PHKA2: variants seen among roughly 807,000 people sequenced by gnomAD.
The protein encoded by PHKA2 is phosphorylase b kinase regulatory subunit alpha, liver isoform.
A neutral mutation model predicts 102.0 loss-of-function variants in PHKA2; 31 were observed. That is an observed-to-expected ratio of 0.30 (90% CI 0.23 to 0.41). The LOEUF is 0.41. Among genes scored for constraint, PHKA2 ranks in the 10% least tolerant of loss-of-function variants. The probability of loss-of-function intolerance (pLI) is 1.00; values close to 1 mark genes in which losing one functional copy is unlikely to be tolerated. For synonymous variants in PHKA2, 455 were observed against 416.2 expected, an observed-to-expected ratio of 1.09 and a Z score of -1.13; for missense variants, 858 against 1,023.1, an observed-to-expected ratio of 0.84 and a Z score of 2.20.
At chrX:18,903,699 G>A (rs2047744523) in intron 26 of PHKA2, among the ~76,000 whole-genome samples, 1 of 112,195 alleles carries the variant, frequency 8.9e-6, no homozygotes, top group African/African-American at 3.2e-5. Context: ...GGCCACTGAT[G>A]CACTGCACCA....
intron 12 of PHKA2, 55 bp downstream of exon 12, chrX:18,931,586 T>C: frequency 1.2e-6 from 1 of 846,308 alleles, no homozygotes; most frequent in South Asian, 2.0e-5. Flanking sequence ...CCTTCTGGGG[T>C]TCCCTGAACC....
At chrX:18,926,905 G>T (rs1041563359) in intron 13 of PHKA2, among the ~76,000 whole-genome samples, 4 of 111,757 alleles carry the variant, frequency 3.6e-5, no homozygotes, top group African/African-American at 1.3e-4. Context: ...CTCCCTCTGG[G>T]TCTGCATCTA....
chrX:18,933,030 C>T (rs1601750058), intron 11 of PHKA2, among the ~76,000 whole-genome samples: 2 of 109,865 alleles, frequency 1.8e-5, no homozygotes, highest in South Asian at 8.0e-4. Context: ...AGGAGAATCA[C>T]GTGAACCTGA....
intron 4 of PHKA2, among the ~76,000 whole-genome samples, 171 bp from the exon 5 acceptor site, chrX:18,948,997 G>A (rs980446136): frequency 9.0e-6 from 1 of 111,501 alleles, no homozygotes; most frequent in African/African-American, 3.3e-5. Context: ...TCTAATCTCC[G>A]AAAAGAGGGA....
Position 18,908,001 on chromosome X carries a change from G to A in PHKA2, c.2416C>T (p.Leu806Phe). 8.3e-7 allele frequency: 1 copy of A among 1,210,713 alleles called. No homozygotes were observed. The highest frequency in any genetic ancestry group is 1.7e-5 in the African/African-American group (1 of 57,748). ...SGQHGVTVQN[L>F]LGELYGKAGL... ...GCTTTCCCATAGAGCTCACCAAGAA[G>A]GTTTTGAACGGTGACCCCGTGCTGT... is the stretch of plus-strand genomic sequence containing the variant. The change falls in exon 22 of 33, where the codon CTT (leucine) becomes TTT (phenylalanine). Residue 806 changes from leucine (L) to phenylalanine (F), a missense_variant. This residue lies in a region of PHKA2 where 671 missense variants were observed against 745.2 expected (regional missense o/e 0.90). Coordinates refer to ENST00000379942, the MANE Select transcript of PHKA2 (RefSeq NM_000292.3).
intron 2 of PHKA2, among the ~76,000 whole-genome samples, 169 bp downstream of exon 2, chrX:18,954,085 C>A (rs2048739463): frequency 8.9e-6 from 1 of 111,734 alleles, no homozygotes; most frequent in Non-Finnish European, 1.9e-5. Flanking sequence ...ACAGAAAGAC[C>A]AATGTGAGGT....
rs771991394 is a variant in PHKA2 at position 18,983,904 on chromosome X, C to A, written c.29G>T (p.Arg10Leu). 1.7e-6 allele frequency: 2 copies of A among 1,211,414 alleles called. No homozygotes were observed. Among genetic ancestry groups the A allele is most frequent in the South Asian group, 3.5e-5 (2 of 57,023 alleles). ...CACCAGCCGCGCGTACCCGTCCAAGCGGACCCCGGAATTGCTCCTGCTCCG... is the reference window on the plus strand; with the variant it reads ...CACCAGCCGCGCGTACCCGTCCAAGAGGACCCCGGAATTGCTCCTGCTCCG... Reference protein sequence around the residue: MRSRSNSGVRLDGYARLVQQ... With the variant: MRSRSNSGVLLDGYARLVQQ... Residue 10 changes from arginine (R) to leucine (L), a missense_variant, in exon 1 of 33, where the codon CGC (arginine) becomes CTC (leucine). Transcript: ENST00000379942.
chrX:18,953,124 G>A (rs1286623667), intron 2 of PHKA2, among the ~76,000 whole-genome samples: 1 of 112,284 alleles, frequency 8.9e-6, no homozygotes, highest in African/African-American at 3.2e-5. Flanking sequence ...TGAGGCCATC[G>A]AAGAATGTCT....
In PHKA2 at chrX:18,947,155, A is replaced by G. The variant is rs185532753; in HGVS notation, c.537+1589T>C. On this transcript the variant is annotated intron_variant, in intron 5 of 32. Coordinates refer to ENST00000379942, the MANE Select transcript of PHKA2 (RefSeq NM_000292.3). ...ATGCTCATTTATTTACGTGTTGTCT[A>G]TGGCTGCTTTCATGCTACAAAGGCA... is the stretch of plus-strand genomic sequence containing the variant. 5.9e-3 allele frequency among the ~76,000 whole-genome samples: 659 copies of G among 112,067 alleles called. 4 individuals are homozygous for G. The highest frequency in any genetic ancestry group is 0.02 in the African/African-American group (626 of 30,864).
chrX:18,920,553 T>C (rs1244126438), intron 17 of PHKA2, among the ~76,000 whole-genome samples: 1 of 112,218 alleles, frequency 8.9e-6, no homozygotes, highest in East Asian at 2.8e-4. Context: ...TTTTGTTTTT[T>C]CCCCCAAAAC....
chrX:18,907,007 T>C lies in PHKA2; in HGVS notation c.2597+11A>G, dbSNP rs765266185. On this transcript the variant is annotated intron_variant, in intron 23 of 32. Transcript: ENST00000379942. ...CCCGCAAACCTGAGGTCCCCAAGGC[T>C]GAGGACTTACGCAGAGATGATCTTC... is the stretch of plus-strand genomic sequence containing the variant. 4 of 1,186,507 alleles carry C rather than the reference T, an allele frequency of 3.4e-6. No individual in the cohort carries two copies. The East Asian group carries it at 1.2e-4, about 36-fold the overall frequency.
rs763759866 is a variant in PHKA2, at chrX:18,938,579, C to A, written c.1041+48G>T. 328 of 1,125,121 alleles carry A rather than the reference C, an allele frequency of 2.9e-4. 1 individual carries two copies. The South Asian group carries it at 4.9e-3, about 17-fold the overall frequency. The allele number at this position is 1,125,121 out of a possible 1,213,427, so 92.7% of individuals were successfully genotyped here. On this transcript the variant is annotated intron_variant, in intron 10 of 32. Coordinates refer to ENST00000379942, the MANE Select transcript of PHKA2 (RefSeq NM_000292.3). ...CTATGTTCTAATAATAATCAGTATACCAGTGGAATGAAAATAATTATCAAC... is the reference window on the plus strand; with the variant it reads ...CTATGTTCTAATAATAATCAGTATAACAGTGGAATGAAAATAATTATCAAC...
intron 4 of PHKA2, among the ~76,000 whole-genome samples, chrX:18,950,822 C>A (rs746861778): frequency 8.9e-6 from 1 of 112,070 alleles, no homozygotes; most frequent in Non-Finnish European, 1.9e-5. Flanking sequence ...GGCTCTCTTG[C>A]CCTTCTGGTC....
intron 22 of PHKA2, among the ~76,000 whole-genome samples, chrX:18,907,321 C>T (rs1186887237): frequency 8.9e-6 from 1 of 112,476 alleles, no homozygotes; most frequent in African/African-American, 3.2e-5. Context: ...ATGTGTGGCC[C>T]CAAGCCTGGC....
intron 19 of PHKA2, among the ~76,000 whole-genome samples, chrX:18,913,437 G>T (rs374864071): frequency 9.3e-6 from 1 of 107,715 alleles, no homozygotes; most frequent in Non-Finnish European, 1.9e-5. Flanking sequence ...ATGGAGTCTC[G>T]CCTTGTTGCC....
rs2048301011 is a variant in PHKA2, at chrX:18,930,786, G to A, written c.1245+855C>T. On this transcript the variant is annotated intron_variant, in intron 12 of 32. Transcript: ENST00000379942. ...ACCTGTAAAACAACTGTTTCAGCTC[G>A]GCAGGTAGTGTTCCTGAGGGCTGCT... Among the ~76,000 whole-genome samples, 5 of 111,020 alleles carry A rather than the reference G, an allele frequency of 4.5e-5. No individual in the cohort carries two copies. In the Admixed American group the frequency reaches 4.8e-4, roughly 11 times the overall value.
Position 18,912,016 on chromosome X carries a change from G to A in PHKA2, c.2138-1056C>T, listed in dbSNP as rs2047936657. On this transcript the variant is annotated intron_variant, in intron 19 of 32. Transcript: ENST00000379942. Reference sequence around the variant, plus strand: ...TAGGGCTTGTTTTTCAACCACCTCTGGATATTATCATTATTGATATTTATT... The same window carrying A: ...TAGGGCTTGTTTTTCAACCACCTCTAGATATTATCATTATTGATATTTATT... 2.7e-5 allele frequency among the ~76,000 whole-genome samples: 3 copies of A among 111,571 alleles called. 1 individual carries two copies. Among genetic ancestry groups the A allele is most frequent in the South Asian group, 7.4e-4 (2 of 2,690 alleles).
At chrX:18,899,278 C>G (rs762907331) in intron 28 of PHKA2, 52 bp from the exon 29 acceptor site, 8 of 1,010,520 alleles carry the variant, frequency 7.9e-6, no homozygotes, top group South Asian at 3.8e-5. Context: ...CCAAGAGACA[C>G]AGCAGAGAGG....
chrX:18,906,914 A>C, intron 23 of PHKA2, 100 bp from the exon 24 acceptor site: 3 of 1,006,930 alleles, frequency 3.0e-6, no homozygotes, highest in Non-Finnish European at 4.2e-6. Context: ...AGACGCATCC[A>C]TGTGACAGAG....
Sources: gnomAD v4.1 joint callset for allele counts (sites outside exome capture counted in the v4.1 genomes callset) on GRCh38, gnomAD v4.1.1 for gene constraint, gnomAD v4.1.1 regional missense constraint, MANE v1.5 for transcripts, NCBI Gene and HGNC (gene_info 2026-07-23, HGNC 2026-07-21) for gene names.